The following CEP63 variants were observed in gnomAD, a reference collection of about 807,000 sequenced individuals.
The protein encoded by CEP63 is centrosomal protein 63.
CEP63 carries 84 observed loss-of-function variants against 89.1 expected under a neutral mutation model. The ratio of observed to expected loss-of-function variants is 0.94; its 90% CI spans 0.79 to 1.13. The LOEUF (loss-of-function observed/expected upper bound fraction) is 1.13, where lower values mean the gene tolerates loss of function less well. Among genes scored for constraint, CEP63 ranks in the 50% most tolerant of loss-of-function variants. CEP63 has a pLI of 0.00. For missense variants in CEP63, 838 were observed against 813.3 expected, an observed-to-expected ratio of 1.03 and a Z score of -0.37; for synonymous variants, 267 against 272.5, an observed-to-expected ratio of 0.98 and a Z score of 0.20.
chr3:134,497,283 T>G (rs1412329047), intron 2 of CEP63, among the ~76,000 whole-genome samples: 1 of 152,230 alleles, frequency 6.6e-6, no homozygotes, highest in African/African-American at 2.4e-5. Context: ...GTCCCAATTG[T>G]CGGTTTTTGT....
the CEP63 span, among the ~76,000 whole-genome samples, chr3:134,665,202 A>T: frequency 1.3e-5 from 2 of 152,128 alleles, no homozygotes; most frequent in African/African-American, 4.8e-5. Context: ...GGGCATCTAC[A>T]CTGCTGTGAC....
the CEP63 span, among the ~76,000 whole-genome samples, chr3:134,706,138 G>A: frequency 6.6e-6 from 1 of 152,084 alleles, no homozygotes; most frequent in Non-Finnish European, 1.5e-5. Context: ...TTAACATGTT[G>A]ATTAGAAGTC....
chr3:134,704,435 A>G, the CEP63 span, among the ~76,000 whole-genome samples: 94 of 152,086 alleles, frequency 6.2e-4, 3 homozygotes, highest in African/African-American at 1.9e-3. Context: ...AGAGAACGAA[A>G]GCAGGAAGAG....
chr3:134,583,338 T>A (rs1177727458), intron 10 of CEP63, among the ~76,000 whole-genome samples: 2 of 152,210 alleles, frequency 1.3e-5, no homozygotes, highest in African/African-American at 4.8e-5. Context: ...CTTTAATCCA[T>A]CTTGAATTAA....
the CEP63 span, among the ~76,000 whole-genome samples, chr3:134,618,652 G>A: frequency 6.6e-6 from 1 of 152,046 alleles, no homozygotes; most frequent in African/African-American, 2.4e-5. Context: ...CACTCCCAGA[G>A]TGCTGAAAAT....
At chr3:134,719,881 A>G in the CEP63 span, among the ~76,000 whole-genome samples, 2 of 152,220 alleles carry the variant, frequency 1.3e-5, no homozygotes, top group Non-Finnish European at 2.9e-5. Flanking sequence ...CAACGAATGA[A>G]CATTTGGGTT....
At chr3:134,626,149 G>A in the CEP63 span, among the ~76,000 whole-genome samples, 4 of 152,244 alleles carry the variant, frequency 2.6e-5, no homozygotes, top group Non-Finnish European at 4.4e-5. Context: ...GACAGGATGG[G>A]GGTGGGAAGA....
the CEP63 span, among the ~76,000 whole-genome samples, chr3:134,599,965 G>A: frequency 1.3e-5 from 2 of 152,110 alleles, no homozygotes; most frequent in Non-Finnish European, 2.9e-5. Context: ...AACAACACCA[G>A]CAACAACATG....
chr3:134,525,418 C>T (rs1219926946), intron 3 of CEP63, among the ~76,000 whole-genome samples: 2 of 152,094 alleles, frequency 1.3e-5, no homozygotes, highest in Non-Finnish European at 2.9e-5. Context: ...CTATGTATGT[C>T]ACTGCATGTG....
intron 10 of CEP63, among the ~76,000 whole-genome samples, chr3:134,585,658 T>G (rs1958469048): frequency 6.6e-6 from 1 of 152,192 alleles, no homozygotes; most frequent in South Asian, 2.1e-4. Context: ...CTGAGAAGAA[T>G]GTATATTCTG....
intron 6 of CEP63, among the ~76,000 whole-genome samples, chr3:134,542,881 T>C (rs1373317806): frequency 2.0e-5 from 3 of 150,160 alleles, no homozygotes; most frequent in Non-Finnish European, 4.4e-5. Context: ...AATAGAATGC[T>C]AAATGTTAGA....
intron 1 of CEP63, among the ~76,000 whole-genome samples, chr3:134,489,181 T>A (rs1301509202): frequency 4.1e-5 from 6 of 148,078 alleles, no homozygotes; most frequent in Admixed American, 2.0e-4. Flanking sequence ...AAAAAAAAAA[T>A]TCAGTTCCTA....
At chr3:134,663,524 C>T in the CEP63 span, among the ~76,000 whole-genome samples, 6,997 of 152,280 alleles carry the variant, frequency 0.046, 217 homozygotes, top group Non-Finnish European at 0.071. Flanking sequence ...CACGTGAGCC[C>T]TGCTGCTGCC....
the CEP63 span, among the ~76,000 whole-genome samples, chr3:134,779,435 T>C: frequency 2.0e-5 from 3 of 152,234 alleles, no homozygotes; most frequent in African/African-American, 7.2e-5. Flanking sequence ...AGCTTTCTTA[T>C]GTCTGTCTCC....
At chr3:134,667,510 G>A in the CEP63 span, among the ~76,000 whole-genome samples, 1 of 152,208 alleles carries the variant, frequency 6.6e-6, no homozygotes, top group African/African-American at 2.4e-5. Flanking sequence ...GTGTGCATGG[G>A]TGAAAGGACA....
the CEP63 span, among the ~76,000 whole-genome samples, chr3:134,685,437 C>A: frequency 6.6e-6 from 1 of 152,240 alleles, no homozygotes; most frequent in East Asian, 1.9e-4. Context: ...TGTTTTTATC[C>A]TTTGCCTTTT....
intron 6 of CEP63, among the ~76,000 whole-genome samples, chr3:134,543,651 AT>A (rs2109485454): frequency 6.6e-6 from 1 of 152,302 alleles, no homozygotes; most frequent in Admixed American, 6.5e-5. Context: ...GTGTTTTGCA[AT>A]TATGTATTAT....
chr3:134,566,006 C>T (rs1360800927), downstream of CEP63, among the ~76,000 whole-genome samples: 8 of 152,226 alleles, frequency 5.3e-5, no homozygotes, highest in East Asian at 1.9e-4. Flanking sequence ...AACATGATTG[C>T]GTAAAGCTCT....
chr3:134,558,135 T>C lies in CEP63; in HGVS notation c.1468-7T>C, dbSNP rs748626687. 6.2e-7 allele frequency: 1 copy of C among 1,607,644 alleles called. No individual in the cohort carries two copies. Among genetic ancestry groups the C allele is most frequent in the Non-Finnish European group, 8.5e-7 (1 of 1,174,630 alleles). On this transcript the variant is annotated splice_polypyrimidine_tract_variant and splice_region_variant and intron_variant, in intron 12 of 14. Coordinates refer to ENST00000675561, the MANE Select transcript of CEP63 (RefSeq NM_001353108.3). ...GATTAAGTGACTCTAGTATTCTTTT[T>C]TATTAGGCAAAAGAGATTTCACTAG...
Sources: allele counts gnomAD v4.1 joint callset (sites outside exome capture counted in the v4.1 genomes callset), GRCh38; gene constraint gnomAD v4.1.1; transcripts MANE v1.5; gene names NCBI Gene and HGNC (gene_info 2026-07-23, HGNC 2026-07-21).